FAM186B: variants seen among roughly 807,000 people sequenced by gnomAD.
FAM186B encodes family with sequence similarity 186 member B.
Under a neutral mutation model 83.4 loss-of-function variants are expected in FAM186B, and 68 were observed. That is an observed-to-expected ratio of 0.81 (90% CI 0.67 to 1.00). FAM186B has a LOEUF of 1.00. Ranked by LOEUF, FAM186B falls within the 50% of genes least tolerant of loss-of-function variation. FAM186B has a pLI of 0.00. For missense variants in FAM186B, 983 were observed against 1,099.2 expected (o/e 0.89, Z 1.49); for synonymous variants, 389 against 422.0 (o/e 0.92, Z 0.96).
upstream of FAM186B, among the ~76,000 whole-genome samples, chr12:49,607,454 G>A (rs911442791): frequency 6.6e-6 from 1 of 151,736 alleles, no homozygotes; most frequent in Non-Finnish European, 1.5e-5. Context: ...TTTAACATAC[G>A]TAACCTATCG....
In FAM186B at chr12:49,605,397, T is replaced by C. The variant is rs779396983; in HGVS notation, c.81A>G (p.Leu27=). The C allele has an allele frequency of 1.6e-5, 26 of 1,613,292 alleles. 1 individual carries two copies. In the South Asian group the frequency reaches 2.5e-4, roughly 16 times the overall value. The change falls in exon 1 of 7, where the codon CTA becomes CTG. Residue 27 remains leucine (L), a synonymous_variant. Coordinates refer to ENST00000257894, the MANE Select transcript of FAM186B (RefSeq NM_032130.3). Reference sequence around the variant, plus strand: ...CAGGGGCTACCTCTTGAGCCCGAGTTAGCTGGGCAGCCTCAATCCTCAGGA... The same window carrying C: ...CAGGGGCTACCTCTTGAGCCCGAGTCAGCTGGGCAGCCTCAATCCTCAGGA... ...AIILRIEAAQ[L]TRAQEDISTQ... is the part of the protein sequence containing the mutation.
chr12:49,592,475 A>AAAT (rs1261133158), intron 5 of FAM186B, among the ~76,000 whole-genome samples: 2 of 151,634 alleles, frequency 1.3e-5, no homozygotes, highest in Admixed American at 6.6e-5. Context: ...CTGTCTCAAA[A>AAAT]AATAATAATA....
At chr12:49,595,227 A>G in intron 5 of FAM186B, 1 of 644,222 alleles carries the variant, frequency 1.6e-6, no homozygotes, top group Admixed American at 2.0e-5. Flanking sequence ...TCACCATTGC[A>G]GGTCTGGCTG....
chr12:49,601,205 C>G (rs1939887417), intron 3 of FAM186B, 71 bp from the exon 4 acceptor site: 1 of 1,497,300 alleles, frequency 6.7e-7, no homozygotes, highest in Non-Finnish European at 8.9e-7. Context: ...TTCTCCAAAC[C>G]CTGCAGGGCC....
chr12:49,584,995 C>T (rs892237331), downstream of FAM186B, among the ~76,000 whole-genome samples: 3 of 151,968 alleles, frequency 2.0e-5, no homozygotes, highest in East Asian at 3.9e-4. Flanking sequence ...TCGGTGTACA[C>T]GTGTACCAGC....
rs769654215 is a variant in FAM186B, at chr12:49,600,760, G to T, written c.880C>A (p.Leu294Met). Residue 294 changes from leucine to methionine, a missense_variant, in exon 4 of 7, where the codon CTG becomes ATG. Transcript: ENST00000257894. The surrounding 1 kb of genome is among the most constrained non-coding windows in gnomAD (Gnocchi z 4.3). ...CCCCCTAAGATCTCTACCTGCTTCA[G>T]CAGAGCATCCCTCCTGCTCTCAAGG... ...EVLESRRDAL[L>M]KQVEILGGRY... 1 of 1,613,962 alleles carries T rather than the reference G, an allele frequency of 6.2e-7. No individual in the cohort carries two copies. The highest frequency in any genetic ancestry group is 1.7e-5 in the Admixed American group (1 of 60,014).
chr12:49,585,744 C>A (rs1939428887), downstream of FAM186B, among the ~76,000 whole-genome samples: 1 of 152,156 alleles, frequency 6.6e-6, no homozygotes. Context: ...TCGGCAGGAC[C>A]ACAAAGAGGT....
Position 49,600,101 on chromosome 12 carries a change from C to G in FAM186B, c.1539G>C (p.Glu513Asp). The G allele has an allele frequency of 6.2e-7, 1 of 1,611,960 alleles. No individual in the cohort carries two copies. Among genetic ancestry groups the G allele is most frequent in the Non-Finnish European group, 8.5e-7 (1 of 1,178,918 alleles). ...RQKKWALLEQ[E>D]HQEKLRQWNL... ...TCCACTGCCGCAGCTTCTCCTGATG[C>G]TCCTGCTCCAGCAGGGCCCACTTCT... The change falls in exon 4 of 7, where the codon GAG becomes GAC. Residue 513 changes from glutamate to aspartate, a missense_variant. Coordinates refer to ENST00000257894, the MANE Select transcript of FAM186B (RefSeq NM_032130.3). The surrounding 1 kb of genome is among the most constrained non-coding windows in gnomAD (Gnocchi z 4.3).
At chr12:49,622,479 C>T in the FAM186B span, among the ~76,000 whole-genome samples, 1 of 152,238 alleles carries the variant, frequency 6.6e-6, no homozygotes, top group African/African-American at 2.4e-5. Context: ...TGCACTCCAG[C>T]CTGGGTGACA....
chr12:49,597,422 TGAG>T (rs1422139459), intron 5 of FAM186B, among the ~76,000 whole-genome samples: 2 of 119,920 alleles, frequency 1.7e-5, no homozygotes, highest in South Asian at 2.4e-4. Flanking sequence ...AAGGCCGAAT[TGAG>T]GAGACAGAAA....
chr12:49,613,540 A>C, the FAM186B span, among the ~76,000 whole-genome samples: 1 of 149,600 alleles, frequency 6.7e-6, no homozygotes, highest in East Asian at 2.0e-4. Flanking sequence ...AAAAAAAAAA[A>C]AAGTTAGATC....
intron 5 of FAM186B, among the ~76,000 whole-genome samples, chr12:49,598,117 C>T (rs377299477): frequency 1.3e-3 from 197 of 152,330 alleles, no homozygotes; most frequent in South Asian, 0.011. Context: ...TAGACTTCCA[C>T]ATCCAAGCAA....
intron 5 of FAM186B, among the ~76,000 whole-genome samples, chr12:49,591,694 A>G (rs1022835626): frequency 6.6e-6 from 1 of 152,178 alleles, no homozygotes; most frequent in Non-Finnish European, 1.5e-5. Context: ...ATAACAATGT[A>G]CAGTTGTCCC....
chr12:49,607,433 T>C (rs1446364241), upstream of FAM186B, among the ~76,000 whole-genome samples: 5 of 151,760 alleles, frequency 3.3e-5, no homozygotes, highest in African/African-American at 1.2e-4. Context: ...TTAGATGAAA[T>C]GGGCAAATTC....
chr12:49,582,930 C>T, downstream of FAM186B: 1 of 434,164 alleles, frequency 2.3e-6, no homozygotes, highest in Non-Finnish European at 4.7e-6. Context: ...GGCTTCACAG[C>T]TTGGCCCGTG....
upstream of FAM186B, among the ~76,000 whole-genome samples, chr12:49,609,713 G>C (rs368053323): frequency 1.3e-3 from 198 of 152,316 alleles, no homozygotes; most frequent in South Asian, 0.011. Flanking sequence ...GGCCAAGGAG[G>C]TTTCCCAACT....
In FAM186B at chr12:49,599,363, C is replaced by G. The variant is rs184282383; in HGVS notation, c.2171+106G>C. 1.1e-5 allele frequency: 16 copies of G among 1,414,006 alleles called. No individual in the cohort carries two copies. The African/African-American group carries it at 1.3e-4, about 11-fold the overall frequency. 87.6% of individuals were successfully genotyped at this position (1,414,006 alleles called of 1,614,324 possible). ...GAGACCCTGTCCAGGCCTGGGGTGG[C>G]TCTCCCCATCCCCCCTTGCCCTGTG... On this transcript the variant is annotated intron_variant, in intron 4 of 6. Coordinates refer to ENST00000257894, the MANE Select transcript of FAM186B (RefSeq NM_032130.3).
chr12:49,597,458 T>C (rs1353850718), intron 5 of FAM186B, among the ~76,000 whole-genome samples: 1 of 34,696 alleles, frequency 2.9e-5, no homozygotes, highest in Non-Finnish European at 5.4e-5. Flanking sequence ...TTACCAGAAT[T>C]GGGGTGGGGG....
Position 49,605,569 on chromosome 12 carries a change from C to G in FAM186B, c.-92G>C, listed in dbSNP as rs1301777639. ...TGCCTGCTTTGGAGGTTAAGGGCAC[C>G]AGGGTGTCTCCTGGGTACCCTCTGC... On this transcript the variant is annotated 5_prime_UTR_variant, in exon 1 of 7. Coordinates refer to ENST00000257894, the MANE Select transcript of FAM186B (RefSeq NM_032130.3). 3.6e-6 allele frequency: 5 copies of G among 1,403,756 alleles called. No individual in the cohort carries two copies. The highest frequency in any genetic ancestry group is 2.8e-5 in the African/African-American group (2 of 70,666). 87.0% of individuals were successfully genotyped at this position (1,403,756 alleles called of 1,614,324 possible).
Sources: allele counts gnomAD v4.1 joint callset (sites outside exome capture counted in the v4.1 genomes callset), GRCh38; gene constraint gnomAD v4.1.1; non-coding constraint Gnocchi (gnomAD v3.1); transcripts MANE v1.5; gene names NCBI Gene and HGNC (gene_info 2026-07-23, HGNC 2026-07-21).